Variants in ETV1 observed in about 807,000 individuals in gnomAD.
ETV1 encodes ETS translocation variant 1.
A neutral mutation model predicts 62.3 loss-of-function variants in ETV1; 27 were observed. The ratio of observed to expected loss-of-function variants is 0.43; its 90% CI spans 0.32 to 0.60. The LOEUF (loss-of-function observed/expected upper bound fraction) is 0.60. Ranked by LOEUF, ETV1 falls within the 20% of genes least tolerant of loss-of-function variation. ETV1 has a pLI of 0.06. For synonymous variants in ETV1, 222 were observed against 199.6 expected, an observed-to-expected ratio of 1.11 and a Z score of -0.94; for missense variants, 605 against 605.8, an observed-to-expected ratio of 1.00 and a Z score of 0.01.
rs1372693594 is a variant in ETV1 at position 13,981,836 on chromosome 7, G to T, written c.182-4356C>A. Among the ~76,000 whole-genome samples the T allele has an allele frequency of 2.0e-5, 3 of 151,934 alleles. 1 individual carries two copies. The East Asian group carries it at 5.8e-4, about 29-fold the overall frequency. ...GAAATTTAAATTTTATTTCAAATAAGAAGTAAAAAAAGAAAAATCCACCTT... is the reference window on the plus strand; with the variant it reads ...GAAATTTAAATTTTATTTCAAATAATAAGTAAAAAAAGAAAAATCCACCTT... On this transcript the variant is annotated intron_variant, in intron 5 of 13. Transcript: ENST00000430479.
At chr7:13,968,505 A>G (rs995062636) in intron 6 of ETV1, among the ~76,000 whole-genome samples, 17 of 151,222 alleles carry the variant, frequency 1.1e-4, no homozygotes, top group African/African-American at 3.9e-4. Flanking sequence ...CACTGTAAGT[A>G]TACAGAATAT....
In ETV1 at chr7:13,976,486, T is replaced by G. The variant is rs535690366; in HGVS notation, c.235+941A>C. Among the ~76,000 whole-genome samples the G allele has an allele frequency of 2.9e-4, 44 of 152,178 alleles. 1 individual carries two copies. Among genetic ancestry groups the G allele is most frequent in the African/African-American group, 9.6e-5 (4 of 41,452 alleles). ...CCCTCTACGCCTGAGAAATTTAACA[T>G]ATCAAACATAAATGCTGAAAACACT... On this transcript the variant is annotated intron_variant, in intron 6 of 13. Transcript: ENST00000430479.
chr7:13,952,526 T>C (rs560072661), intron 6 of ETV1, among the ~76,000 whole-genome samples: 1 of 152,082 alleles, frequency 6.6e-6, no homozygotes, highest in Admixed American at 6.6e-5. Context: ...AAAAGCAAAA[T>C]TGGGTGTAAG....
intron 9 of ETV1, among the ~76,000 whole-genome samples, chr7:13,925,597 G>A (rs1184187566): frequency 1.4e-5 from 2 of 147,744 alleles, no homozygotes; most frequent in Admixed American, 6.8e-5. Flanking sequence ...ACAGAGTCTC[G>A]CTCTGCTGCC....
At chr7:13,991,089 A>C (rs1440123879), upstream of ETV1, 1 of 152,166 alleles carries the variant, frequency 6.6e-6, no homozygotes, top group Non-Finnish European at 1.5e-5. Context: ...GCATTCCCGG[A>C]AACTACTAAA....
At chr7:13,968,834 AGGTCT>A (rs1386344890) in intron 6 of ETV1, among the ~76,000 whole-genome samples, 1 of 152,040 alleles carries the variant, frequency 6.6e-6, no homozygotes, top group African/African-American at 2.4e-5. Context: ...GACATACCCA[AGGTCT>A]ATGATTTAGA....
At chr7:13,968,770 G>A (rs1470341907) in intron 6 of ETV1, among the ~76,000 whole-genome samples, 1 of 151,754 alleles carries the variant, frequency 6.6e-6, no homozygotes, top group Non-Finnish European at 1.5e-5. Flanking sequence ...GTGGCTCTGG[G>A]CCTAAAAGAT....
intron 5 of ETV1, among the ~76,000 whole-genome samples, chr7:13,982,470 G>C (rs1323067793): frequency 6.6e-6 from 1 of 151,666 alleles, no homozygotes; most frequent in African/African-American, 2.4e-5. Context: ...AATAAAACAT[G>C]GATGAAAAAA....
intron 6 of ETV1, chr7:13,958,994 T>C (rs1378534597): frequency 6.6e-6 from 1 of 151,982 alleles, no homozygotes; most frequent in Non-Finnish European, 1.5e-5. Flanking sequence ...CAGGCTTCAT[T>C]TTCTTCATGA....
At chr7:13,898,091 T>G (rs1009226153) in intron 13 of ETV1, among the ~76,000 whole-genome samples, 4 of 152,222 alleles carry the variant, frequency 2.6e-5, no homozygotes, top group East Asian at 1.9e-4. Flanking sequence ...TACTACTTCA[T>G]TTGCTGGACT....
In ETV1 at chr7:13,892,824, T is replaced by C. The variant is rs1040099184; in HGVS notation, c.*3042A>G. On this transcript the variant is annotated 3_prime_UTR_variant, in exon 14 of 14. Coordinates refer to ENST00000430479, the MANE Select transcript of ETV1 (RefSeq NM_004956.5). ...GTCAGCAGACTCTAGAAGTGAAAGC[T>C]GGAAGAATCTCCCCTGGAGCCTCCA... 3 of 232,434 alleles carry C rather than the reference T, an allele frequency of 1.3e-5. No homozygotes were observed. Among genetic ancestry groups the C allele is most frequent in the Non-Finnish European group, 2.6e-5 (3 of 117,612 alleles). The allele number at this position is 232,434 out of a possible 1,614,324, so 14.4% of individuals were successfully genotyped here. A position where few individuals can be genotyped will look rare whatever the true frequency, so the allele number is the denominator to read the frequency against.
At chr7:13,988,285 C>G in intron 3 of ETV1, 112 bp from the exon 4 acceptor site, 1 of 684,206 alleles carries the variant, frequency 1.5e-6, no homozygotes. Flanking sequence ...TCTAATGGAT[C>G]TTCTCTGAAT....
At chr7:13,979,320 A>T (rs1319011018) in intron 5 of ETV1, among the ~76,000 whole-genome samples, 2 of 152,034 alleles carry the variant, frequency 1.3e-5, no homozygotes, top group African/African-American at 4.8e-5. Context: ...CAAGTCATCC[A>T]CAAAAAAGTA....
Position 13,892,030 on chromosome 7 carries a change from G to A in ETV1, c.*3836C>T, listed in dbSNP as rs1562567368. 1 of 231,634 alleles carries A rather than the reference G, an allele frequency of 4.3e-6. No homozygotes were observed. Among genetic ancestry groups the A allele is most frequent in the Non-Finnish European group, 8.5e-6 (1 of 117,252 alleles). 14.3% of individuals were successfully genotyped at this position (231,634 alleles called of 1,614,324 possible). A position where few individuals can be genotyped will look rare whatever the true frequency, so the allele number is the denominator to read the frequency against. ...ATCTGGCAAAATTCTGTAGCTTCTG[G>A]CAATATATTTCTTTCCTGGTTATAT... On this transcript the variant is annotated 3_prime_UTR_variant, in exon 14 of 14. Coordinates refer to ENST00000430479, the MANE Select transcript of ETV1 (RefSeq NM_004956.5).
chr7:13,920,193 G>A (rs1784677683), intron 9 of ETV1, among the ~76,000 whole-genome samples: 1 of 152,076 alleles, frequency 6.6e-6, no homozygotes, highest in Admixed American at 6.6e-5. Context: ...AAACACTGTG[G>A]GGCTGAAATG....
upstream of ETV1, chr7:13,991,046 C>T (rs1364853932): frequency 6.6e-6 from 1 of 152,238 alleles, no homozygotes; most frequent in East Asian, 1.9e-4. Flanking sequence ...GGGAAAACAA[C>T]CAATAACTAT....
intron 6 of ETV1, chr7:13,974,852 T>TTGTCTG (rs1317128171): frequency 7.9e-5 from 12 of 152,392 alleles, no homozygotes; most frequent in Middle Eastern, 3.4e-3. Context: ...GCGTTAAAGA[T>TTGTCTG]TGGAGTTGGC....
intron 6 of ETV1, among the ~76,000 whole-genome samples, chr7:13,953,707 C>T (rs1433918273): frequency 6.6e-6 from 1 of 151,882 alleles, no homozygotes; most frequent in East Asian, 1.9e-4. Context: ...AGGTGGGCTT[C>T]CTTCTACCCT....
Position 13,911,081 on chromosome 7 carries a change from ATCT to A in ETV1, c.871+155_871+157del, listed in dbSNP as rs1301270853. 4.6e-5 allele frequency among the ~76,000 whole-genome samples: 7 copies of A among 152,332 alleles called. No individual in the cohort carries two copies. The South Asian group carries it at 8.3e-4, about 18-fold the overall frequency. On this transcript the variant is annotated intron_variant, in intron 10 of 13. Coordinates refer to ENST00000430479, the MANE Select transcript of ETV1 (RefSeq NM_004956.5). Reference sequence around the variant, plus strand: ...ACAACAAGATACCACTACTTGAAACATCTTCTTTTTACTTTGGAGATAGTCTTA... The same window carrying A: ...ACAACAAGATACCACTACTTGAAACATCTTTTTACTTTGGAGATAGTCTTA...
Sources: gnomAD v4.1 joint callset for allele counts (sites outside exome capture counted in the v4.1 genomes callset) on GRCh38, gnomAD v4.1.1 for gene constraint, MANE v1.5 for transcripts, NCBI Gene and HGNC (gene_info 2026-07-23, HGNC 2026-07-21) for gene names.